Variants in EPHA3 observed in about 807,000 individuals in gnomAD.
EPHA3 encodes the protein EPH receptor A3.
In EPHA3, 42 loss-of-function variants were observed where a neutral mutation model predicts 107.1. That is an observed-to-expected ratio of 0.39 (90% CI 0.31 to 0.51). EPHA3 has a LOEUF of 0.51. Ranked by LOEUF, EPHA3 falls within the 20% of genes least tolerant of loss-of-function variation. The pLI is 0.78. For missense variants in EPHA3, 1,183 were observed against 1,211.2 expected (o/e 0.98, Z 0.35); for synonymous variants, 461 against 424.8 (o/e 1.09, Z -1.05).
intron 16 of EPHA3, among the ~76,000 whole-genome samples, chr3:89,475,000 C>T (rs1321894248): frequency 6.6e-6 from 1 of 152,118 alleles, no homozygotes; most frequent in Non-Finnish European, 1.5e-5. Flanking sequence ...CACAATATTC[C>T]TTCTTCTGTC....
intron 11 of EPHA3, among the ~76,000 whole-genome samples, chr3:89,427,175 A>G (rs1393344604): frequency 6.6e-6 from 1 of 151,912 alleles, no homozygotes; most frequent in Non-Finnish European, 1.5e-5. Flanking sequence ...CAATGTATCA[A>G]GTGGTTGTAA....
intron 7 of EPHA3, among the ~76,000 whole-genome samples, chr3:89,402,768 T>C (rs1007961878): frequency 4.6e-5 from 7 of 152,168 alleles, no homozygotes; most frequent in South Asian, 4.1e-4. Flanking sequence ...AGATCTCAGC[T>C]CCCTACAAAA....
chr3:89,396,004 G>T, intron 6 of EPHA3, 43 bp downstream of exon 6: 4 of 1,606,302 alleles, frequency 2.5e-6, no homozygotes, highest in Non-Finnish European at 3.4e-6. Flanking sequence ...TAGGCAAGAA[G>T]CTGTTTCCTC....
intron 3 of EPHA3, among the ~76,000 whole-genome samples, chr3:89,301,761 T>G (rs1706496265): frequency 6.6e-6 from 1 of 152,096 alleles, no homozygotes; most frequent in Admixed American, 6.6e-5. Flanking sequence ...TTCTAATTTT[T>G]TATTCTCTAG....
At chr3:89,456,877 A>T (rs1269282371) in intron 15 of EPHA3, among the ~76,000 whole-genome samples, 3 of 152,186 alleles carry the variant, frequency 2.0e-5, no homozygotes, top group African/African-American at 7.2e-5. Context: ...CGTGTGTGAG[A>T]CATTATGTTA....
intron 3 of EPHA3, among the ~76,000 whole-genome samples, chr3:89,291,547 A>C (rs1465208648): frequency 6.6e-6 from 1 of 152,184 alleles, no homozygotes; most frequent in East Asian, 1.9e-4. Flanking sequence ...ATAATCATAA[A>C]AAGATGAAAA....
chr3:89,428,967 T>G, intron 11 of EPHA3, 139 bp from the exon 12 acceptor site: 1 of 486,896 alleles, frequency 2.1e-6, no homozygotes, highest in Non-Finnish European at 3.3e-6. Flanking sequence ...CTAGGGCTTT[T>G]TAAAATTTTT....
chr3:89,419,926 A>G (rs980267508), intron 11 of EPHA3, among the ~76,000 whole-genome samples: 4 of 151,418 alleles, frequency 2.6e-5, no homozygotes, highest in African/African-American at 9.7e-5. Context: ...TGGATTTTAA[A>G]TAGTTCTGAT....
intron 2 of EPHA3, among the ~76,000 whole-genome samples, chr3:89,191,566 C>T (rs2107141612): frequency 6.6e-6 from 1 of 152,264 alleles, no homozygotes; most frequent in East Asian, 1.9e-4. Flanking sequence ...TTAAACCACC[C>T]AGTCTGTGGT....
intron 13 of EPHA3, among the ~76,000 whole-genome samples, chr3:89,444,747 T>C (rs1264003438): frequency 2.0e-5 from 3 of 152,114 alleles, no homozygotes; most frequent in African/African-American, 7.2e-5. Context: ...AATAATAATA[T>C]ATAATTCTCA....
At chr3:89,182,957 A>G (rs1705479948) in intron 2 of EPHA3, among the ~76,000 whole-genome samples, 1 of 152,000 alleles carries the variant, frequency 6.6e-6, no homozygotes, top group Non-Finnish European at 1.5e-5. Context: ...TATTATTTCC[A>G]CTGAATTACA....
At chr3:89,113,211 C>T (rs1002846303) in intron 1 of EPHA3, among the ~76,000 whole-genome samples, 1 of 152,152 alleles carries the variant, frequency 6.6e-6, no homozygotes. Flanking sequence ...GAAACCTTAG[C>T]TAACTCTTCT....
At chr3:89,178,253 T>C (rs988740645) in intron 2 of EPHA3, among the ~76,000 whole-genome samples, 18 of 152,136 alleles carry the variant, frequency 1.2e-4, no homozygotes, top group Admixed American at 1.3e-4. Flanking sequence ...AGCCAATAGA[T>C]AGATAGATAG....
At chr3:89,358,790 G>T in intron 5 of EPHA3, among the ~76,000 whole-genome samples, 1 of 151,110 alleles carries the variant, frequency 6.6e-6, no homozygotes, top group Non-Finnish European at 1.5e-5. Flanking sequence ...CTCGCATGCT[G>T]TCCCAAAGTT....
chr3:89,356,252 G>A (rs1357891752), intron 5 of EPHA3, among the ~76,000 whole-genome samples: 1 of 150,724 alleles, frequency 6.6e-6, no homozygotes. Context: ...ATTTGGGTTG[G>A]TTCCAAGTCT....
chr3:89,313,695 C>G (rs1706824226), intron 3 of EPHA3, among the ~76,000 whole-genome samples: 1 of 151,700 alleles, frequency 6.6e-6, no homozygotes. Context: ...AATATACAGT[C>G]TTATGTTTAC....
chr3:89,117,145 C>T (rs1375503030), intron 1 of EPHA3, among the ~76,000 whole-genome samples: 8 of 151,892 alleles, frequency 5.3e-5, no homozygotes, highest in Non-Finnish European at 8.8e-5. Context: ...TGTTTCTTCT[C>T]GATTTTTAAT....
intron 1 of EPHA3, among the ~76,000 whole-genome samples, chr3:89,111,320 CAAAT>C (rs1314104088): frequency 6.6e-6 from 1 of 151,976 alleles, no homozygotes; most frequent in East Asian, 1.9e-4. Context: ...CACTTTTCCT[CAAAT>C]AAGAACACAC....
intron 1 of EPHA3, among the ~76,000 whole-genome samples, chr3:89,116,920 T>C (rs1707271628): frequency 6.6e-6 from 1 of 152,068 alleles, no homozygotes; most frequent in Admixed American, 6.5e-5. Flanking sequence ...CATTTTCCTA[T>C]TATTTGATTT....
Sources: allele counts gnomAD v4.1 joint callset (sites outside exome capture counted in the v4.1 genomes callset), GRCh38; gene constraint gnomAD v4.1.1; transcripts MANE v1.5; gene names NCBI Gene and HGNC (gene_info 2026-07-23, HGNC 2026-07-21).